Variants in GYG2 observed in about 807,000 individuals in gnomAD.
GYG2 encodes the protein glycogenin 2.
In GYG2, 29 loss-of-function variants were observed where a neutral mutation model predicts 29.4. The ratio of observed to expected loss-of-function variants is 0.99; its 90% CI spans 0.74 to 1.35. The LOEUF is 1.35. Among genes scored for constraint, GYG2 ranks in the 40% most tolerant of loss-of-function variants. The pLI is 0.00. For synonymous variants in GYG2, 167 were observed against 172.3 expected (o/e 0.97, Z 0.24); for missense variants, 370 against 385.7 (o/e 0.96, Z 0.34).
intron 8 of GYG2, among the ~76,000 whole-genome samples, chrX:2,864,754 CTTT>C (rs2088257866): frequency 9.3e-6 from 1 of 107,923 alleles, no homozygotes; most frequent in South Asian, 4.0e-4. Context: ...AAGCATTCTT[CTTT>C]TTCTTTCTTT....
At chrX:2,864,764 CTT>C (rs1182873326) in intron 8 of GYG2, among the ~76,000 whole-genome samples, 3 of 96,702 alleles carry the variant, frequency 3.1e-5, no homozygotes, top group Non-Finnish European at 2.0e-5. Flanking sequence ...CTTTTTCTTT[CTT>C]TTTTTTTTTT....
chrX:2,845,950 A>G (rs2087707992), intron 3 of GYG2, among the ~76,000 whole-genome samples: 1 of 89,806 alleles, frequency 1.1e-5, no homozygotes, highest in East Asian at 3.4e-4. Context: ...TTTGACTTGG[A>G]TAATTTCTTC....
intron 10 of GYG2, among the ~76,000 whole-genome samples, chrX:2,879,791 GGATA>G (rs926075493): frequency 6.3e-5 from 7 of 111,422 alleles, no homozygotes; most frequent in Non-Finnish European, 1.1e-4. Flanking sequence ...ATGGATAAAT[GGATA>G]GATAGATTGA....
At chrX:2,869,133 A>G (rs1403937780) in intron 8 of GYG2, among the ~76,000 whole-genome samples, 2 of 112,178 alleles carry the variant, frequency 1.8e-5, no homozygotes, top group East Asian at 5.6e-4. Flanking sequence ...ATATTGGGGA[A>G]ACAAAATTGC....
At chrX:2,861,809 G>A (rs2088176545) in intron 8 of GYG2, 87 bp downstream of exon 8, 1 of 705,625 alleles carries the variant, frequency 1.4e-6, no homozygotes, top group Non-Finnish European at 2.2e-6. Context: ...CTGGCTCCCT[G>A]GGGAGGGGAG....
intron 3 of GYG2, among the ~76,000 whole-genome samples, chrX:2,845,763 A>ATT (rs2087701694): frequency 9.5e-6 from 1 of 104,862 alleles, no homozygotes; most frequent in South Asian, 4.0e-4. Context: ...GTGTATGTAT[A>ATT]TATATGCATG....
chrX:2,877,024 C>G (rs1329437682), intron 9 of GYG2, among the ~76,000 whole-genome samples, 176 bp from the exon 10 acceptor site: 1 of 110,428 alleles, frequency 9.1e-6, no homozygotes, highest in Non-Finnish European at 1.9e-5. Context: ...CTCAGGCAAT[C>G]CTCCTGCCTT....
At chrX:2,872,351 A>C (rs1237063120) in intron 8 of GYG2, among the ~76,000 whole-genome samples, 1 of 111,467 alleles carries the variant, frequency 9.0e-6, no homozygotes, top group Non-Finnish European at 1.9e-5. Context: ...TTCTCTCTGC[A>C]TGATATGCAA....
intron 7 of GYG2, among the ~76,000 whole-genome samples, chrX:2,860,595 C>T (rs2147222217): frequency 9.5e-6 from 1 of 105,041 alleles, no homozygotes; most frequent in Non-Finnish European, 1.9e-5. Context: ...ACTCAGGAAA[C>T]TTCTTATTCC....
In GYG2 at chrX:2,855,271, C is replaced by A. The variant is rs746860024; in HGVS notation, c.487+116C>A. The A allele has an allele frequency of 4.1e-4, 253 of 614,290 alleles. 3 individuals carry two copies. The African/African-American group carries it at 5.4e-3, about 13-fold the overall frequency. 50.6% of individuals were successfully genotyped at this position (614,290 alleles called of 1,213,427 possible). On this transcript the variant is annotated intron_variant, in intron 5 of 10. Transcript: ENST00000398806. ...CACACCTCGCTCAGCGACAGGGATG[C>A]GGTCTGAGAAATGTGTTGTTAAGTG...
At chrX:2,832,352 A>G (rs952007714) in intron 2 of GYG2, among the ~76,000 whole-genome samples, 6 of 111,409 alleles carry the variant, frequency 5.4e-5, no homozygotes, top group African/African-American at 1.6e-4. Context: ...CCTCCACTCT[A>G]AACCAAAGAG....
At chrX:2,871,712 AT>A (rs1423100738) in intron 8 of GYG2, among the ~76,000 whole-genome samples, 1 of 106,303 alleles carries the variant, frequency 9.4e-6, no homozygotes, top group East Asian at 2.9e-4. Context: ...AAATAAATAA[AT>A]AAATAAATAA....
In GYG2 at chrX:2,876,114, A is replaced by G. The variant is rs189031834; in HGVS notation, c.1143+200A>G. ...TGTGTTATAATTAGTCTATTTCTCT[A>G]TTATCCAGGTGGATAAGGAATCTGG... On this transcript the variant is annotated intron_variant, in intron 9 of 10. Transcript: ENST00000398806. Among the ~76,000 whole-genome samples the G allele has an allele frequency of 4.2e-3, 343 of 81,096 alleles. 2 individuals carry two copies. Among genetic ancestry groups the G allele is most frequent in the African/African-American group, 0.017 (325 of 19,386 alleles). 70.4% of individuals were successfully genotyped at this position (81,096 alleles called of 115,157 possible). A position where few individuals can be genotyped will look rare whatever the true frequency, so the allele number is the denominator to read the frequency against.
intron 8 of GYG2, among the ~76,000 whole-genome samples, chrX:2,864,548 A>G (rs1341057665): frequency 2.7e-5 from 3 of 110,627 alleles, no homozygotes; most frequent in Non-Finnish European, 3.8e-5. Context: ...TTGGGGTTCC[A>G]AGATTTACTT....
chrX:2,836,203 T>C (rs1448552318), intron 2 of GYG2, among the ~76,000 whole-genome samples: 4 of 110,519 alleles, frequency 3.6e-5, no homozygotes, highest in Non-Finnish European at 7.6e-5. Flanking sequence ...ACCATTGGCG[T>C]TGGGTTGGCT....
In GYG2 at chrX:2,859,957, G is replaced by A; in HGVS notation, c.729G>A (p.Gln243=). 1.7e-6 allele frequency: 2 copies of A among 1,198,103 alleles called. No individual in the cohort carries two copies. The highest frequency in any genetic ancestry group is 2.3e-6 in the Non-Finnish European group (2 of 884,202). The change falls in exon 7 of 11, where the codon CAG becomes CAA. Residue 243 remains glutamine, a synonymous_variant. Transcript: ENST00000398806. ...VLEQGSASSS[Q]HQAAFLHLWW... Reference sequence around the variant, plus strand: ...AGCAAGGCTCAGCGTCCAGCAGCCAGCACCAGGCGGCATTCCTTCATCTCT... The same window carrying A: ...AGCAAGGCTCAGCGTCCAGCAGCCAACACCAGGCGGCATTCCTTCATCTCT...
At chrX:2,880,835 A>T (rs1413231072) in intron 10 of GYG2, among the ~76,000 whole-genome samples, 1 of 111,946 alleles carries the variant, frequency 8.9e-6, no homozygotes, top group Admixed American at 9.5e-5. Context: ...TGAGCCCAGG[A>T]GGTCAAGGCT....
At chrX:2,874,214 T>A (rs1217628839) in intron 8 of GYG2, among the ~76,000 whole-genome samples, 1 of 113,035 alleles carries the variant, frequency 8.8e-6, no homozygotes, top group Non-Finnish European at 1.9e-5. Flanking sequence ...TTTCAGTAAA[T>A]CTCACTAATA....
chrX:2,831,681 A>G (rs1031342892), intron 2 of GYG2, among the ~76,000 whole-genome samples: 4 of 111,989 alleles, frequency 3.6e-5, no homozygotes, highest in African/African-American at 1.3e-4. Context: ...CATCTTGGTC[A>G]GCCTCGTGCC....
Sources: allele counts gnomAD v4.1 joint callset (sites outside exome capture counted in the v4.1 genomes callset), GRCh38; gene constraint gnomAD v4.1.1; transcripts MANE v1.5; gene names NCBI Gene and HGNC (gene_info 2026-07-23, HGNC 2026-07-21).